Variants in TMCC2 observed in about 807,000 individuals in gnomAD.
The protein encoded by TMCC2 is transmembrane and coiled-coil domains protein 2.
Under a neutral mutation model 49.4 loss-of-function variants are expected in TMCC2, and 16 were observed. That is an observed-to-expected ratio of 0.32 (90% CI 0.22 to 0.49). The LOEUF is 0.49. Among genes scored for constraint, TMCC2 ranks in the 20% least tolerant of loss-of-function variants. The pLI is 0.99. For synonymous variants in TMCC2, 397 were observed against 434.1 expected, an observed-to-expected ratio of 0.91 and a Z score of 1.06; for missense variants, 762 against 989.8, an observed-to-expected ratio of 0.77 and a Z score of 3.09.
intron 2 of TMCC2, chr1:205,257,265 G>T (rs994739727): frequency 1.6e-6 from 2 of 1,232,260 alleles, no homozygotes; most frequent in Non-Finnish European, 2.0e-6. Flanking sequence ...GCTGCCCAGG[G>T]TCTGTGACCC....
At chr1:205,230,802 ACT>A (rs1659760131) in intron 1 of TMCC2, among the ~76,000 whole-genome samples, 1 of 148,616 alleles carries the variant, frequency 6.7e-6, no homozygotes, top group Admixed American at 6.7e-5. Flanking sequence ...CCACGTTTCC[ACT>A]CTCCTGTATT....
At chr1:205,251,359 C>T (rs1180006960) in intron 2 of TMCC2, among the ~76,000 whole-genome samples, 4 of 152,124 alleles carry the variant, frequency 2.6e-5, no homozygotes, top group Admixed American at 6.5e-5. Context: ...GCCTCCTGCC[C>T]GCTGCTGCTT....
chr1:205,270,075 G>A (rs1481028497), intron 3 of TMCC2, among the ~76,000 whole-genome samples, 191 bp downstream of exon 3: 1 of 151,990 alleles, frequency 6.6e-6, no homozygotes, highest in Non-Finnish European at 1.5e-5. Context: ...GAGGCGGAGT[G>A]TCTCTCTGTC....
intron 2 of TMCC2, among the ~76,000 whole-genome samples, chr1:205,250,537 G>A (rs1026632052): frequency 5.9e-5 from 9 of 152,020 alleles, no homozygotes; most frequent in South Asian, 2.1e-4. Context: ...GGGAAACTCC[G>A]TCTCAGAAAA....
At chr1:205,271,331 T>G (rs1661580103) in intron 4 of TMCC2, 76 bp downstream of exon 4, 1 of 1,609,590 alleles carries the variant, frequency 6.2e-7, no homozygotes, top group African/African-American at 1.3e-5. Flanking sequence ...AGGGTTCTTG[T>G]CACGTGGGGC....
At chr1:205,248,553 G>C (rs1660544542) in intron 2 of TMCC2, among the ~76,000 whole-genome samples, 1 of 152,222 alleles carries the variant, frequency 6.6e-6, no homozygotes, top group Admixed American at 6.5e-5. Flanking sequence ...GGCATTGGCA[G>C]GTGATTAGAG....
chr1:205,259,046 C>G (rs1660995752), intron 2 of TMCC2, among the ~76,000 whole-genome samples: 1 of 152,208 alleles, frequency 6.6e-6, no homozygotes, highest in African/African-American at 2.4e-5. Flanking sequence ...GACCTTGCTC[C>G]CAGGAGCGGT....
At chr1:205,242,071 G>A (rs1452671839) in intron 2 of TMCC2, 27 bp downstream of exon 2, 25 of 1,546,564 alleles carry the variant, frequency 1.6e-5, no homozygotes, top group Non-Finnish European at 2.2e-5. Flanking sequence ...GGGGCAGGGG[G>A]AGACTCAGAG....
intron 2 of TMCC2, among the ~76,000 whole-genome samples, chr1:205,257,564 C>T (rs1660928479): frequency 1.3e-5 from 2 of 152,280 alleles, no homozygotes; most frequent in South Asian, 4.1e-4. Context: ...CTGGGAGAGC[C>T]CCTGGGGTTG....
At chr1:205,249,232 C>A (rs1421503833) in intron 2 of TMCC2, among the ~76,000 whole-genome samples, 1 of 152,218 alleles carries the variant, frequency 6.6e-6, no homozygotes, top group Non-Finnish European at 1.5e-5. Context: ...CAGCCCATCA[C>A]CTAAGCGAGA....
At chr1:205,256,312 A>G (rs1196207635) in intron 2 of TMCC2, 2 of 1,549,746 alleles carry the variant, frequency 1.3e-6, no homozygotes, top group Admixed American at 3.9e-5. Context: ...GACACTGCTC[A>G]CTGCTCATTG....
chr1:205,261,176 T>A (rs1661096300), intron 2 of TMCC2, among the ~76,000 whole-genome samples: 1 of 150,894 alleles, frequency 6.6e-6, no homozygotes, highest in African/African-American at 2.4e-5. Context: ...TTCCTGCACA[T>A]GCTCACCAAC....
In TMCC2 at chr1:205,269,468, G is replaced by T; in HGVS notation, c.1266G>T (p.Val422=). The change falls in exon 3 of 5, where the codon GTG becomes GTT. Residue 422 remains valine (V), a synonymous_variant. Transcript: ENST00000358024. ...CACAGGCCACCCACACCGCCGTGGT[G>T]TCCAAGCCCCGGGAGTTTGCCAGCC... is the stretch of plus-strand genomic sequence containing the variant. The part of the protein sequence containing the change: ...GLSQATHTAV[V]SKPREFASLI... 5 of 1,607,764 alleles carry T rather than the reference G, an allele frequency of 3.1e-6. No homozygotes were observed. Among genetic ancestry groups the T allele is most frequent in the Non-Finnish European group, 4.3e-6 (5 of 1,175,706 alleles).
chr1:205,244,430 TG>T (rs1383610841), intron 2 of TMCC2, among the ~76,000 whole-genome samples: 1 of 152,048 alleles, frequency 6.6e-6, no homozygotes, highest in East Asian at 1.9e-4. Context: ...TTATTTTCTA[TG>T]GGGGAAGAAA....
intron 2 of TMCC2, among the ~76,000 whole-genome samples, chr1:205,248,743 C>T (rs1660553534): frequency 6.6e-6 from 1 of 151,754 alleles, no homozygotes; most frequent in South Asian, 2.1e-4. Flanking sequence ...AACAGCAGTT[C>T]CTGGAAAACC....
In TMCC2 at chr1:205,269,210, C is replaced by G. The variant is rs145697603; in HGVS notation, c.1008C>G (p.Phe336Leu). ...KQQVSRIKQV[F>L]EKKNQKSAQT... ...AGGTGTCACGCATCAAGCAAGTGTT[C>G]GAGAAGAAGAACCAGAAGTCAGCCC... The change falls in exon 3 of 5, where the codon TTC (phenylalanine) becomes TTG (leucine). Residue 336 changes from phenylalanine to leucine, a missense_variant. Physicochemically the swap from Phe to Leu is conservative, Grantham distance 22. Coordinates refer to ENST00000358024, the MANE Select transcript of TMCC2 (RefSeq NM_014858.4). 1 of 1,614,070 alleles carries G rather than the reference C, an allele frequency of 6.2e-7. No homozygotes were observed. The highest frequency in any genetic ancestry group is 8.5e-7 in the Non-Finnish European group (1 of 1,180,026).
intron 2 of TMCC2, among the ~76,000 whole-genome samples, chr1:205,243,489 G>A (rs747650915): frequency 6.6e-6 from 1 of 152,260 alleles, no homozygotes; most frequent in African/African-American, 2.4e-5. Flanking sequence ...GGCTGCAGCA[G>A]TGGGGATGGA....
chr1:205,241,584 A>G lies in TMCC2; in HGVS notation c.287A>G (p.Glu96Gly). 1 of 1,613,920 alleles carries G rather than the reference A, an allele frequency of 6.2e-7. No homozygotes were observed. The highest frequency in any genetic ancestry group is 8.5e-7 in the Non-Finnish European group (1 of 1,180,018). ...TTCCACAGCCGCCGTCGGTCTCGGG[A>G]AAGGGAGCACCAGACGTCTCAGGAT... ...HLFHSRRRSR[E>G]REHQTSQDSQ... The change falls in exon 2 of 5, where the codon GAA becomes GGA. Residue 96 changes from glutamate to glycine, a missense_variant. Physicochemically the swap from Glu to Gly is moderately conservative, Grantham distance 98. Around this residue, in one of 2 missense-constraint regions of TMCC2, gnomAD observed 322 missense variants for 353.1 expected, o/e 0.91. Transcript: ENST00000358024. This position sits in a 1 kb window ranked among gnomAD's most constrained non-coding sequence, Gnocchi z 7.3.
In TMCC2 at chr1:205,241,355, C is replaced by T. The variant is rs112932100; in HGVS notation, c.208-150C>T. ...TTTTCGCAAACTGACCCTTTATGCACGACGGGCCATCCACAGAGATCTTCC... is the reference window on the plus strand; with the variant it reads ...TTTTCGCAAACTGACCCTTTATGCATGACGGGCCATCCACAGAGATCTTCC... On this transcript the variant is annotated intron_variant, in intron 1 of 4. Transcript: ENST00000358024. The surrounding 1 kb of genome is among the most constrained non-coding windows in gnomAD (Gnocchi z 7.3). 2.3e-3 allele frequency: 2,039 copies of T among 895,188 alleles called. 9 individuals are homozygous for T. Among genetic ancestry groups the T allele is most frequent in the Middle Eastern group, 2.5e-3 (10 of 4,040 alleles). 55.5% of individuals were successfully genotyped at this position (895,188 alleles called of 1,614,324 possible). A position where few individuals can be genotyped will look rare whatever the true frequency, so the allele number is the denominator to read the frequency against.
Sources: allele counts gnomAD v4.1 joint callset (sites outside exome capture counted in the v4.1 genomes callset), GRCh38; gene constraint gnomAD v4.1.1; regional missense constraint gnomAD v4.1.1; non-coding constraint Gnocchi (gnomAD v3.1); transcripts MANE v1.5; gene names NCBI Gene and HGNC (gene_info 2026-07-23, HGNC 2026-07-21).